CTDP1: variants seen among roughly 807,000 people sequenced by gnomAD.
CTDP1 encodes RNA polymerase II subunit A C-terminal domain phosphatase.
A neutral mutation model predicts 91.8 loss-of-function variants in CTDP1; 47 were observed. The observed-to-expected ratio is 0.51, with a 90% confidence interval of 0.41 to 0.65. CTDP1 has a LOEUF of 0.65. Among genes scored for constraint, CTDP1 ranks in the 30% least tolerant of loss-of-function variants. The pLI, the probability that CTDP1 is intolerant of heterozygous loss-of-function variation, is 0.00. For synonymous variants in CTDP1, 656 were observed against 598.5 expected, an observed-to-expected ratio of 1.10 and a Z score of -1.40; for missense variants, 1,272 against 1,373.7, an observed-to-expected ratio of 0.93 and a Z score of 1.17.
rs576019476 is a variant in CTDP1, at chr18:79,740,184, A to G, written c.2747+3663A>G. On this transcript the variant is annotated intron_variant, in intron 12 of 12. Coordinates refer to ENST00000613122, the MANE Select transcript of CTDP1 (RefSeq NM_004715.5). Reference sequence around the variant, plus strand: ...CACGGCCGGGACGGGTGGGACTCTCATACCCACGGCCGGGACGGGTGGGAC... The same window carrying G: ...CACGGCCGGGACGGGTGGGACTCTCGTACCCACGGCCGGGACGGGTGGGAC... 1.6e-3 allele frequency among the ~76,000 whole-genome samples: 242 copies of G among 148,792 alleles called. 17 individuals are homozygous for G. The highest frequency in any genetic ancestry group is 5.6e-3 in the African/African-American group (228 of 40,392).
intron 1 of CTDP1, among the ~76,000 whole-genome samples, chr18:79,683,966 G>A (rs1464302512): frequency 6.6e-6 from 1 of 152,184 alleles, no homozygotes; most frequent in Admixed American, 6.5e-5. Flanking sequence ...CCTTTCACAG[G>A]GCTTATAAAA....
At chr18:79,700,566 T>G (rs2085837047) in intron 4 of CTDP1, among the ~76,000 whole-genome samples, 1 of 152,200 alleles carries the variant, frequency 6.6e-6, no homozygotes, top group Non-Finnish European at 1.5e-5. Flanking sequence ...GAAGAAAAGC[T>G]GGAAACCAGC....
chr18:79,723,695 G>C (rs2086391316), intron 10 of CTDP1, among the ~76,000 whole-genome samples: 1 of 152,128 alleles, frequency 6.6e-6, no homozygotes, highest in Admixed American at 6.5e-5. Flanking sequence ...GTGGGGAACA[G>C]GCTCACCACT....
chr18:79,736,500 C>G lies in CTDP1; in HGVS notation c.2726C>G (p.Ala909Gly), dbSNP rs763209974. 1.3e-6 allele frequency: 2 copies of G among 1,545,566 alleles called. No homozygotes were observed. Among genetic ancestry groups the G allele is most frequent in the Admixed American group, 2.0e-5 (1 of 50,818 alleles). Reference protein sequence around the residue: ...LGAPASSERSAAGGRGPRGHK... With the variant: ...LGAPASSERSGAGGRGPRGHK... ...GCACCTGCGTCCAGCGAGAGGAGCG[C>G]GGCAGGGGGCCGGGGGCCCAGGTGA... is the stretch of plus-strand genomic sequence containing the variant. Residue 909 changes from alanine to glycine, a missense_variant, in exon 12 of 13, where the codon GCG (alanine) becomes GGG (glycine). By Grantham distance (60) the Ala-to-Gly change is moderately conservative (BLOSUM62 0). This residue lies in a region of CTDP1 where 881 missense variants were observed against 911.6 expected (regional missense o/e 0.97). Transcript: ENST00000613122.
chr18:79,694,599 G>A (rs2085708479), intron 1 of CTDP1, among the ~76,000 whole-genome samples: 2 of 146,096 alleles, frequency 1.4e-5, no homozygotes, highest in South Asian at 4.3e-4. Context: ...TCGCAGGGTG[G>A]GGCGGTCGGA....
At chr18:79,702,781 A>G (rs1433101069) in intron 4 of CTDP1, 1 of 152,280 alleles carries the variant, frequency 6.6e-6, no homozygotes, top group Non-Finnish European at 1.5e-5. Flanking sequence ...CATGGATTAT[A>G]TTCACTGGGA....
chr18:79,717,956 C>T lies in CTDP1; in HGVS notation c.2357C>T (p.Ala786Val). The change falls in exon 10 of 13, where the codon GCC (alanine) becomes GTC (valine). Residue 786 changes from alanine to valine, a missense_variant. Coordinates refer to ENST00000613122, the MANE Select transcript of CTDP1 (RefSeq NM_004715.5). ...ACGGGGAAGCTCATCAGGACGGGCG[C>T]CCGGGGGCCCCCAGCACCCTCCAGC... Reference protein sequence around the residue: ...SNTGKLIRTGARGPPAPSSSL... With the variant: ...SNTGKLIRTGVRGPPAPSSSL... The T allele has an allele frequency of 1.9e-6, 3 of 1,613,478 alleles. No homozygotes were observed. Among genetic ancestry groups the T allele is most frequent in the Non-Finnish European group, 2.5e-6 (3 of 1,179,978 alleles).
chr18:79,683,673 C>G (rs1236486026), intron 1 of CTDP1, among the ~76,000 whole-genome samples: 1 of 152,260 alleles, frequency 6.6e-6, no homozygotes, highest in Non-Finnish European at 1.5e-5. Flanking sequence ...GGGCGAAGCC[C>G]TTGATGTGGC....
chr18:79,704,963 T>G, intron 5 of CTDP1, 46 bp downstream of exon 5: 1 of 1,609,226 alleles, frequency 6.2e-7, no homozygotes, highest in South Asian at 1.1e-5. Context: ...AGTGGGTTTC[T>G]TTCCTGTTTT....
intron 12 of CTDP1, among the ~76,000 whole-genome samples, chr18:79,739,612 A>G (rs1199901568): frequency 6.6e-6 from 1 of 151,854 alleles, no homozygotes; most frequent in Non-Finnish European, 1.5e-5. Context: ...CTGCCTCTCC[A>G]TTCTGGCTCC....
chr18:79,699,362 G>A (rs1231021017), intron 4 of CTDP1, among the ~76,000 whole-genome samples: 3 of 152,074 alleles, frequency 2.0e-5, no homozygotes, highest in South Asian at 2.1e-4. Context: ...CCGAGTTCAC[G>A]CCATTCTCCT....
Position 79,717,673 on chromosome 18 carries a change from A to C in CTDP1, c.2207A>C (p.Gln736Pro), listed in dbSNP as rs1477536451. 3.7e-6 allele frequency: 6 copies of C among 1,614,024 alleles called. No homozygotes were observed. ...CTCAGGGACGATCACACCAAGGCAC[A>C]GAGGTGGGTCCTCGCTGCACCCAGC... ...FPLRDDHTKAQRENSPAAFPD... is the reference protein window; with the variant it reads ...FPLRDDHTKAPRENSPAAFPD... Residue 736 changes from glutamine to proline, a missense_variant, in exon 9 of 13, where the codon CAG becomes CCG. Around this residue, in one of 3 missense-constraint regions of CTDP1, gnomAD observed 881 missense variants for 911.6 expected, o/e 0.97. Transcript: ENST00000613122.
intron 12 of CTDP1, among the ~76,000 whole-genome samples, chr18:79,746,120 GTTCTGTCCCCGCGTCCCTCCCGTGCGC>G (rs2086872709): frequency 2.0e-4 from 1 of 4,912 alleles, no homozygotes; most frequent in Non-Finnish European, 3.7e-4. Flanking sequence ...TCCCGTGCGC[GTTCTGTCCCCGCGTCCCTCCCGTGCGC>G]GTTCTGTCCC....
intron 8 of CTDP1, among the ~76,000 whole-genome samples, chr18:79,716,221 C>T (rs1049599832): frequency 6.6e-6 from 1 of 152,190 alleles, no homozygotes; most frequent in Non-Finnish European, 1.5e-5. Context: ...GTCCTGGCGG[C>T]GTTTCCTGAG....
chr18:79,687,865 A>G (rs2085537945), intron 1 of CTDP1, among the ~76,000 whole-genome samples: 1 of 152,168 alleles, frequency 6.6e-6, no homozygotes, highest in Non-Finnish European at 1.5e-5. Flanking sequence ...CAGAGAGGGC[A>G]GTAGGGTCTG....
intron 6 of CTDP1, among the ~76,000 whole-genome samples, chr18:79,711,345 CGT>C (rs1231841891): frequency 6.6e-6 from 1 of 152,100 alleles, no homozygotes. Context: ...AGGAGGCAGG[CGT>C]GTGTCCCCAC....
chr18:79,713,773 G>T lies in CTDP1; in HGVS notation c.1030+635G>T, dbSNP rs1403166084. On this transcript the variant is annotated intron_variant, in intron 7 of 12. Transcript: ENST00000613122. The surrounding 1 kb of genome is among the most constrained non-coding windows in gnomAD (Gnocchi z 4.7). ...TAGAGACTTTCACCAGATGGGTGGG[G>T]TCAGCGTGGAGTTGCTGACTTCCTC... 6.6e-6 allele frequency among the ~76,000 whole-genome samples: 1 copy of T among 152,208 alleles called. No individual in the cohort carries two copies. The highest frequency in any genetic ancestry group is 1.5e-5 in the Non-Finnish European group (1 of 68,050).
At chr18:79,704,164 C>T (rs1432700784) in intron 4 of CTDP1, among the ~76,000 whole-genome samples, 1 of 152,228 alleles carries the variant, frequency 6.6e-6, no homozygotes, top group African/African-American at 2.4e-5. Flanking sequence ...ACTCGTACCG[C>T]GTGCATGGAA....
At chr18:79,725,724 G>C (rs1450894693) in intron 10 of CTDP1, among the ~76,000 whole-genome samples, 1 of 152,014 alleles carries the variant, frequency 6.6e-6, no homozygotes, top group Non-Finnish European at 1.5e-5. Context: ...CTGACCTGGA[G>C]TGTCCATCAT....
Sources: allele counts gnomAD v4.1 joint callset (sites outside exome capture counted in the v4.1 genomes callset), GRCh38; gene constraint gnomAD v4.1.1; regional missense constraint gnomAD v4.1.1; non-coding constraint Gnocchi (gnomAD v3.1); transcripts MANE v1.5; gene names NCBI Gene and HGNC (gene_info 2026-07-23, HGNC 2026-07-21).